The following KCNT2 variants were observed in gnomAD, a reference collection of about 807,000 sequenced individuals.
KCNT2 encodes the protein potassium channel subfamily T member 2.
A neutral mutation model predicts 153.8 loss-of-function variants in KCNT2; 67 were observed. That is an observed-to-expected ratio of 0.44 (90% confidence interval 0.36 to 0.53). KCNT2 has a LOEUF of 0.53. Among genes scored for constraint, KCNT2 ranks in the 20% least tolerant of loss-of-function variants. The pLI is 0.00. For synonymous variants in KCNT2, 500 were observed against 458.8 expected (o/e 1.09, Z -1.15); for missense variants, 975 against 1,354.8 (o/e 0.72, Z 4.40).
intron 2 of KCNT2, among the ~76,000 whole-genome samples, chr1:196,491,886 G>T (rs1400472764): frequency 1.3e-5 from 2 of 152,008 alleles, no homozygotes; most frequent in African/African-American, 4.8e-5. Flanking sequence ...TCAGACAATT[G>T]TTTCCCATTG....
chr1:196,553,940 A>G (rs1455294062), intron 1 of KCNT2, among the ~76,000 whole-genome samples: 1 of 151,314 alleles, frequency 6.6e-6, no homozygotes, highest in Non-Finnish European at 1.5e-5. Flanking sequence ...ATGATAATGG[A>G]AGAACAACAT....
intron 13 of KCNT2, among the ~76,000 whole-genome samples, chr1:196,395,061 A>G (rs1670813387): frequency 6.6e-6 from 1 of 151,266 alleles, no homozygotes. Flanking sequence ...CATTAAAATT[A>G]TGATATGGTT....
At chr1:196,395,624 A>G (rs556627855) in intron 13 of KCNT2, among the ~76,000 whole-genome samples, 1 of 151,708 alleles carries the variant, frequency 6.6e-6, no homozygotes, top group South Asian at 2.1e-4. Flanking sequence ...TCGAGCTTAA[A>G]GACTTGAAGA....
chr1:196,601,999 A>G (rs1411476553), intron 1 of KCNT2, among the ~76,000 whole-genome samples: 1 of 152,140 alleles, frequency 6.6e-6, no homozygotes, highest in Non-Finnish European at 1.5e-5. Context: ...AATGATTAAG[A>G]TTCTGTGAAA....
intron 1 of KCNT2, among the ~76,000 whole-genome samples, chr1:196,588,792 T>C (rs1662992594): frequency 6.6e-6 from 1 of 151,764 alleles, no homozygotes; most frequent in African/African-American, 2.4e-5. Context: ...ACTAACTGTG[T>C]ATAGGAACGA....
intron 1 of KCNT2, among the ~76,000 whole-genome samples, chr1:196,602,821 C>T (rs1275031309): frequency 7.9e-6 from 1 of 126,508 alleles, no homozygotes; most frequent in Non-Finnish European, 1.6e-5. Flanking sequence ...GCTCTGTCGC[C>T]CAGGCCGGAC....
At chr1:196,351,163 C>A (rs1022398203) in intron 14 of KCNT2, among the ~76,000 whole-genome samples, 1 of 152,132 alleles carries the variant, frequency 6.6e-6, no homozygotes, top group Non-Finnish European at 1.5e-5. Context: ...GTTCTTTTGG[C>A]TCACAATTGA....
At chr1:196,576,851 T>G (rs550477470) in intron 1 of KCNT2, among the ~76,000 whole-genome samples, 36 of 152,126 alleles carry the variant, frequency 2.4e-4, no homozygotes, top group Non-Finnish European at 4.7e-4. Context: ...ATATTAATAT[T>G]TCCTCTTCTA....
intron 26 of KCNT2, chr1:196,257,915 A>T: frequency 1.0e-6 from 1 of 957,928 alleles, no homozygotes; most frequent in African/African-American, 1.8e-5. Context: ...ATGAAAACAC[A>T]GGGTCTGGCT....
At chr1:196,347,235 C>T (rs1666220683) in intron 14 of KCNT2, among the ~76,000 whole-genome samples, 1 of 152,064 alleles carries the variant, frequency 6.6e-6, no homozygotes, top group South Asian at 2.1e-4. Flanking sequence ...TCCTATAGAT[C>T]TATCTAAAAA....
At position 196,608,146 on chromosome 1, in the gene KCNT2, C is replaced by A; in HGVS notation, c.95+69G>T. The A allele has an allele frequency of 2.1e-6, 3 of 1,408,986 alleles. No homozygotes were observed. The South Asian group carries it at 3.4e-5, about 16-fold the overall frequency. 87.3% of individuals were successfully genotyped at this position (1,408,986 alleles called of 1,614,324 possible). ...TTTCCTTTTCTCCCTCCTTTCCCCA[C>A]TTCGGCCCTCCCATTTCCGTCTCTT... is the stretch of plus-strand genomic sequence containing the variant. On this transcript the variant is annotated intron_variant, in intron 1 of 27. Transcript: ENST00000294725.
intron 8 of KCNT2, among the ~76,000 whole-genome samples, chr1:196,459,341 T>G (rs745595252): frequency 6.6e-6 from 1 of 151,216 alleles, no homozygotes; most frequent in South Asian, 2.1e-4. Flanking sequence ...TAATGGAAAA[T>G]TAACAGATTT....
intron 26 of KCNT2, among the ~76,000 whole-genome samples, chr1:196,244,627 G>A (rs74332023): frequency 0.027 from 4,127 of 152,234 alleles, 186 homozygotes; most frequent in African/African-American, 0.094. Context: ...ATAGGAAGGG[G>A]AGGGAAGAGA....
At chr1:196,534,176 T>C (rs1655271109) in intron 1 of KCNT2, among the ~76,000 whole-genome samples, 1 of 152,162 alleles carries the variant, frequency 6.6e-6, no homozygotes. Context: ...ATTCAAAGAC[T>C]GTTCCCATAT....
rs369541629 is a variant in KCNT2, at chr1:196,526,015, C to CTGTGTGTGTG, written c.96-33684_96-33675dup. 1.9e-3 allele frequency among the ~76,000 whole-genome samples: 273 copies of CTGTGTGTGTG among 140,144 alleles called. 1 individual carries two copies. The highest frequency in any genetic ancestry group is 6.5e-3 in the African/African-American group (247 of 38,172). 91.9% of individuals were successfully genotyped at this position (140,144 alleles called of 152,430 possible). On this transcript the variant is annotated intron_variant, in intron 1 of 27. Transcript: ENST00000294725. ...ATAGCACAAATAATGAGAACTGACT[C>CTGTGTGTGTG]TGTGTGTGTGTGTGTGTGTGTGTGT...
At chr1:196,377,197 C>T (rs1023030104) in intron 13 of KCNT2, among the ~76,000 whole-genome samples, 2 of 151,840 alleles carry the variant, frequency 1.3e-5, no homozygotes, top group African/African-American at 4.8e-5. Context: ...ATGGAAATTA[C>T]AGAAACATTA....
At chr1:196,262,869 T>A (rs959420776) in intron 25 of KCNT2, among the ~76,000 whole-genome samples, 1 of 152,096 alleles carries the variant, frequency 6.6e-6, no homozygotes, top group Non-Finnish European at 1.5e-5. Flanking sequence ...CAGGAAAATA[T>A]TTTATGACCT....
intron 1 of KCNT2, among the ~76,000 whole-genome samples, chr1:196,571,463 GC>G (rs1012142243): frequency 2.6e-5 from 4 of 152,036 alleles, no homozygotes; most frequent in African/African-American, 9.7e-5. Context: ...AATATAAGAA[GC>G]CCTTTCATGT....
chr1:196,314,217 G>A (rs1260026338), intron 21 of KCNT2, among the ~76,000 whole-genome samples: 1 of 151,356 alleles, frequency 6.6e-6, no homozygotes, highest in Non-Finnish European at 1.5e-5. Flanking sequence ...TAAAATTCAT[G>A]GTAAATTGAA....
Sources: gnomAD v4.1 joint callset for allele counts (sites outside exome capture counted in the v4.1 genomes callset) on GRCh38, gnomAD v4.1.1 for gene constraint, MANE v1.5 for transcripts, NCBI Gene and HGNC (gene_info 2026-07-23, HGNC 2026-07-21) for gene names.